The following WWOX variants were observed in gnomAD, a reference collection of about 807,000 sequenced individuals.
WWOX encodes the protein WW domain-containing oxidoreductase.
Under a neutral mutation model 46.2 loss-of-function variants are expected in WWOX, and 69 were observed. The observed-to-expected ratio is 1.49, with a 90% CI of 1.23 to 1.82. The LOEUF (loss-of-function observed/expected upper bound fraction) is 1.82, where lower values mean the gene tolerates loss of function less well. Ranked by LOEUF, WWOX falls within the 40% of genes most tolerant of loss-of-function variation. The pLI is 0.00. For missense variants in WWOX, 919 were observed against 542.6 expected (o/e 1.69, Z -6.89); for synonymous variants, 359 against 202.6 (o/e 1.77, Z -6.56).
chr16:78,563,412 C>G (rs2044485579), intron 8 of WWOX, among the ~76,000 whole-genome samples: 1 of 150,766 alleles, frequency 6.6e-6, no homozygotes, highest in Non-Finnish European at 1.5e-5. Context: ...GTATTGAAGC[C>G]AAAAATTGAA....
At chr16:78,555,319 C>T (rs763330294) in intron 8 of WWOX, among the ~76,000 whole-genome samples, 93 of 152,058 alleles carry the variant, frequency 6.1e-4, no homozygotes, top group Non-Finnish European at 1.1e-3. Flanking sequence ...CTTTTTTATT[C>T]TAATACTCAC....
chr16:78,715,383 C>T (rs1397118515), intron 8 of WWOX, among the ~76,000 whole-genome samples: 2 of 152,160 alleles, frequency 1.3e-5, no homozygotes, highest in African/African-American at 4.8e-5. Context: ...ATTCATTCTT[C>T]TGGGATCGTA....
At chr16:78,961,996 T>C (rs998209054) in intron 8 of WWOX, among the ~76,000 whole-genome samples, 3 of 152,126 alleles carry the variant, frequency 2.0e-5, no homozygotes, top group Non-Finnish European at 4.4e-5. Flanking sequence ...ATCCCTTGTC[T>C]CTTGTCAGGA....
rs531498020 is a variant in WWOX at position 79,143,308 on chromosome 16, T to TA, written c.1057-68299dup. On this transcript the variant is annotated intron_variant, in intron 8 of 8. Coordinates refer to ENST00000566780, the MANE Select transcript of WWOX (RefSeq NM_016373.4). Reference sequence around the variant, plus strand: ...TGTCAGTATATATTACAAAAACTGTTACCGCCTAACACATTAAATGTATTT... The same window carrying TA: ...TGTCAGTATATATTACAAAAACTGTTAACCGCCTAACACATTAAATGTATTT... Among the ~76,000 whole-genome samples the TA allele has an allele frequency of 2.6e-3, 389 of 152,334 alleles. 5 individuals are homozygous for TA. The highest frequency in any genetic ancestry group is 4.4e-3 in the Non-Finnish European group (299 of 68,018).
intron 8 of WWOX, among the ~76,000 whole-genome samples, chr16:78,952,768 G>A (rs756633974): frequency 4.6e-5 from 7 of 152,202 alleles, no homozygotes; most frequent in Non-Finnish European, 8.8e-5. Flanking sequence ...GTTCCCCAAC[G>A]TATCCCTACT....
At chr16:78,256,222 C>T (rs1261566905) in intron 5 of WWOX, among the ~76,000 whole-genome samples, 3 of 150,434 alleles carry the variant, frequency 2.0e-5, no homozygotes, top group Admixed American at 2.0e-4. Context: ...GAGCACACTT[C>T]AGACTTCCAG....
Position 78,432,758 on chromosome 16 carries a change from A to G in WWOX, c.1056+6A>G, listed in dbSNP as rs772213220. ...GGCCTTTCACCAAGTCCATGGTAAG[A>G]GAACAGCTTCTGGCGCCGCAAACAC... On this transcript the variant is annotated splice_donor_region_variant and intron_variant, in intron 8 of 8. Transcript: ENST00000566780. The G allele has an allele frequency of 6.2e-6, 10 of 1,614,020 alleles. No homozygotes were observed. The East Asian group carries it at 1.8e-4, about 29-fold the overall frequency.
intron 5 of WWOX, among the ~76,000 whole-genome samples, chr16:78,187,447 C>A (rs779600349): frequency 3.9e-5 from 6 of 152,112 alleles, no homozygotes; most frequent in Non-Finnish European, 7.4e-5. Flanking sequence ...ACTAAAAATA[C>A]AAAAAATTAG....
chr16:79,038,221 G>A (rs1009590563), intron 8 of WWOX, among the ~76,000 whole-genome samples: 1 of 151,992 alleles, frequency 6.6e-6, no homozygotes, highest in African/African-American at 2.4e-5. Flanking sequence ...GCAAATATTT[G>A]TCTTTCCTCA....
intron 8 of WWOX, among the ~76,000 whole-genome samples, chr16:79,149,864 A>C (rs1350301662): frequency 1.3e-5 from 2 of 152,144 alleles, no homozygotes; most frequent in Non-Finnish European, 2.9e-5. Flanking sequence ...GGTTTGGTGG[A>C]TCACACAGGG....
chr16:78,708,089 G>A (rs1374264466), intron 8 of WWOX, among the ~76,000 whole-genome samples: 1 of 152,028 alleles, frequency 6.6e-6, no homozygotes, highest in Non-Finnish European at 1.5e-5. Context: ...ACCTTGGGAG[G>A]CAGAGGCAGG....
intron 8 of WWOX, among the ~76,000 whole-genome samples, chr16:79,019,675 C>T (rs766069165): frequency 6.6e-6 from 1 of 151,760 alleles, no homozygotes; most frequent in Non-Finnish European, 1.5e-5. Flanking sequence ...AGACTCCAAC[C>T]CCGGGCTCTC....
chr16:78,908,619 C>G (rs2045029193), intron 8 of WWOX, among the ~76,000 whole-genome samples: 1 of 151,762 alleles, frequency 6.6e-6, no homozygotes, highest in Non-Finnish European at 1.5e-5. Context: ...AAATAAGTCT[C>G]CCCCAAAACT....
In WWOX at chr16:79,039,764, A is replaced by G. The variant is rs111644408; in HGVS notation, c.1057-171844A>G. 3.3e-4 allele frequency among the ~76,000 whole-genome samples: 51 copies of G among 152,258 alleles called. 1 individual carries two copies. The highest frequency in any genetic ancestry group is 1.2e-3 in the African/African-American group (50 of 41,564). The stretch of plus-strand genomic sequence containing the variant: ...TCTTAGTTTCAGTGGCTCTGACTTC[A>G]GTTTTCTCACCTCGAAATCTCCCTT... On this transcript the variant is annotated intron_variant, in intron 8 of 8. Transcript: ENST00000566780.
chr16:78,567,968 G>A (rs1407490696), intron 8 of WWOX, among the ~76,000 whole-genome samples: 1 of 152,116 alleles, frequency 6.6e-6, no homozygotes, highest in African/African-American at 2.4e-5. Context: ...AGCGTATAAT[G>A]GAAAATGTGT....
At chr16:78,567,310 C>T (rs147166567) in intron 8 of WWOX, among the ~76,000 whole-genome samples, 136 of 152,070 alleles carry the variant, frequency 8.9e-4, no homozygotes, top group African/African-American at 3.1e-3. Context: ...CTTTGGGAGG[C>T]CGAGGTGGGT....
intron 8 of WWOX, among the ~76,000 whole-genome samples, chr16:78,468,188 A>C (rs1025803207): frequency 6.6e-6 from 1 of 151,216 alleles, no homozygotes; most frequent in Non-Finnish European, 1.5e-5. Flanking sequence ...GCTTTCTACC[A>C]GTTCTCTGCT....
At chr16:78,852,881 A>G (rs1259660311) in intron 8 of WWOX, among the ~76,000 whole-genome samples, 1 of 152,214 alleles carries the variant, frequency 6.6e-6, no homozygotes. Flanking sequence ...CCCTCTGCAT[A>G]TAGCACTTTC....
At chr16:78,137,301 G>A (rs182958521) in intron 4 of WWOX, among the ~76,000 whole-genome samples, 47 of 152,254 alleles carry the variant, frequency 3.1e-4, no homozygotes, top group African/African-American at 9.1e-4. Context: ...ATAACTAGAC[G>A]TGCTGTTTTG....
Sources: allele counts gnomAD v4.1 joint callset (sites outside exome capture counted in the v4.1 genomes callset), GRCh38; gene constraint gnomAD v4.1.1; transcripts MANE v1.5; gene names NCBI Gene and HGNC (gene_info 2026-07-23, HGNC 2026-07-21).